Variants in NALF1 observed in about 807,000 individuals in gnomAD.
NALF1 encodes the protein family with sequence similarity 155 member A.
Under a neutral mutation model 48.4 loss-of-function variants are expected in NALF1, and 3 were observed. The observed-to-expected ratio is 0.06, with a 90% CI of 0.03 to 0.16. NALF1 has a LOEUF of 0.16. NALF1 is among the 10% of genes least tolerant of loss of function. NALF1 has a pLI of 1.00. For missense variants in NALF1, 526 were observed against 571.5 expected (o/e 0.92, Z 0.81); for synonymous variants, 262 against 245.7 (o/e 1.07, Z -0.62).
chr13:107,241,270 T>A (rs1212161717), intron 1 of NALF1, among the ~76,000 whole-genome samples: 5 of 152,032 alleles, frequency 3.3e-5, no homozygotes, highest in Admixed American at 3.3e-4. Flanking sequence ...CATTATCATC[T>A]CCTCAATCTT....
rs374954777 is a variant in NALF1 at position 107,335,260 on chromosome 13, C to T, written c.916-124505G>A. Among the ~76,000 whole-genome samples, 329 of 152,204 alleles carry T rather than the reference C, an allele frequency of 2.2e-3. 2 individuals carry two copies. The highest frequency in any genetic ancestry group is 5.9e-3 in the African/African-American group (244 of 41,534). On this transcript the variant is annotated intron_variant, in intron 1 of 2. Coordinates refer to ENST00000375915, the MANE Select transcript of NALF1 (RefSeq NM_001080396.3). ...TGCTGGAAGTTAAAATTAGTGGCTTCGGTGCTATGAGAACATCAGATTCCT... is the reference window on the plus strand; with the variant it reads ...TGCTGGAAGTTAAAATTAGTGGCTTTGGTGCTATGAGAACATCAGATTCCT...
chr13:107,832,458 G>A (rs1879766338), intron 1 of NALF1, among the ~76,000 whole-genome samples: 1 of 151,876 alleles, frequency 6.6e-6, no homozygotes, highest in Admixed American at 6.6e-5. Context: ...CATATTTGGG[G>A]TATATAATGA....
intron 1 of NALF1, among the ~76,000 whole-genome samples, chr13:107,262,891 G>C (rs1880961395): frequency 6.6e-6 from 1 of 151,850 alleles, no homozygotes; most frequent in African/African-American, 2.4e-5. Flanking sequence ...TGCCATAATT[G>C]TAACGTATGC....
At chr13:107,226,575 T>A (rs775651872) in intron 1 of NALF1, among the ~76,000 whole-genome samples, 57 of 152,350 alleles carry the variant, frequency 3.7e-4, no homozygotes, top group Admixed American at 2.4e-3. Context: ...TAGACTATAA[T>A]GTAAAACATA....
chr13:107,669,315 G>C (rs770556497), intron 1 of NALF1, among the ~76,000 whole-genome samples: 1 of 152,054 alleles, frequency 6.6e-6, no homozygotes, highest in Non-Finnish European at 1.5e-5. Flanking sequence ...ACTCTTAATA[G>C]TCATTGCTTA....
chr13:107,226,891 G>T (rs2138820875), intron 1 of NALF1, among the ~76,000 whole-genome samples: 1 of 152,332 alleles, frequency 6.6e-6, no homozygotes, highest in Non-Finnish European at 1.5e-5. Context: ...TGAAGCCAGA[G>T]TTCATCTCCC....
At chr13:107,404,850 C>T (rs949168528) in intron 1 of NALF1, among the ~76,000 whole-genome samples, 1 of 152,034 alleles carries the variant, frequency 6.6e-6, no homozygotes, top group Admixed American at 6.6e-5. Context: ...ATTTAGTAGA[C>T]TGCAGCAAGG....
At chr13:107,325,160 C>A (rs1037268948) in intron 1 of NALF1, among the ~76,000 whole-genome samples, 1 of 152,056 alleles carries the variant, frequency 6.6e-6, no homozygotes, top group African/African-American at 2.4e-5. Context: ...AGGACACAAC[C>A]ATTTACTGTA....
At chr13:107,807,183 ATG>A (rs2138602690) in intron 1 of NALF1, among the ~76,000 whole-genome samples, 1 of 152,320 alleles carries the variant, frequency 6.6e-6, no homozygotes, top group African/African-American at 2.4e-5. Context: ...TGATATGAAA[ATG>A]TGTTTATTCA....
intron 1 of NALF1, among the ~76,000 whole-genome samples, chr13:107,246,360 C>T (rs559899880): frequency 2.6e-5 from 4 of 152,086 alleles, no homozygotes; most frequent in Admixed American, 6.6e-5. Context: ...AATCTTTTTT[C>T]ATGAAGAGAA....
At position 107,756,727 on chromosome 13, in the gene NALF1, G is replaced by C. The variant is rs910153696; in HGVS notation, c.915+108955C>G. ...GGGTCGGAGGCCATCCTCCTACGGAGGTGCAAAAAAGAGGGTGTGTGCTCA... is the reference window on the plus strand; with the variant it reads ...GGGTCGGAGGCCATCCTCCTACGGACGTGCAAAAAAGAGGGTGTGTGCTCA... On this transcript the variant is annotated intron_variant, in intron 1 of 2. Coordinates refer to ENST00000375915, the MANE Select transcript of NALF1 (RefSeq NM_001080396.3). 2.0e-5 allele frequency among the ~76,000 whole-genome samples: 3 copies of C among 152,124 alleles called. No individual in the cohort carries two copies. In the East Asian group the frequency reaches 5.8e-4, roughly 30 times the overall value.
intron 1 of NALF1, among the ~76,000 whole-genome samples, chr13:107,514,676 T>A (rs1197244140): frequency 6.6e-6 from 1 of 152,196 alleles, no homozygotes; most frequent in Non-Finnish European, 1.5e-5. Context: ...TTAATATATG[T>A]TACTTTTATT....
chr13:107,758,968 A>G (rs969070683), intron 1 of NALF1, among the ~76,000 whole-genome samples: 2 of 152,176 alleles, frequency 1.3e-5, no homozygotes, highest in African/African-American at 4.8e-5. Flanking sequence ...AAGCTGAAAG[A>G]GTGTGAGGAT....
intron 1 of NALF1, among the ~76,000 whole-genome samples, chr13:107,282,059 G>A (rs1881399018): frequency 6.6e-6 from 1 of 152,186 alleles, no homozygotes; most frequent in East Asian, 1.9e-4. Context: ...CATTGATGGT[G>A]TTGACCACTG....
chr13:107,459,295 GA>G (rs748667427), intron 1 of NALF1, among the ~76,000 whole-genome samples: 20 of 151,954 alleles, frequency 1.3e-4, no homozygotes, highest in Non-Finnish European at 2.5e-4. Context: ...TATACAAAAG[GA>G]AATTAAGCGT....
chr13:107,500,132 T>A (rs966729948), intron 1 of NALF1, among the ~76,000 whole-genome samples: 9 of 152,278 alleles, frequency 5.9e-5, no homozygotes, highest in African/African-American at 1.9e-4. Flanking sequence ...ATGTATTAAT[T>A]CTAAAGTGGG....
chr13:107,375,945 T>TAC (rs1022759675), intron 1 of NALF1, among the ~76,000 whole-genome samples: 7 of 148,368 alleles, frequency 4.7e-5, no homozygotes, highest in African/African-American at 1.2e-4. Flanking sequence ...CACACACACA[T>TAC]ACACACACAC....
chr13:107,312,207 T>C (rs550211125), intron 1 of NALF1, among the ~76,000 whole-genome samples: 3 of 152,102 alleles, frequency 2.0e-5, no homozygotes, highest in East Asian at 3.9e-4. Flanking sequence ...ATTAAGAAAA[T>C]GTGGCACATA....
At chr13:107,520,145 C>T (rs1053093292) in intron 1 of NALF1, among the ~76,000 whole-genome samples, 1 of 152,022 alleles carries the variant, frequency 6.6e-6, no homozygotes, top group Non-Finnish European at 1.5e-5. Flanking sequence ...TCAAGTTATA[C>T]TTTTAACATT....
Sources: gnomAD v4.1 joint callset for allele counts (sites outside exome capture counted in the v4.1 genomes callset) on GRCh38, gnomAD v4.1.1 for gene constraint, MANE v1.5 for transcripts, NCBI Gene and HGNC (gene_info 2026-07-23, HGNC 2026-07-21) for gene names.